Variants in IFT81 observed in about 807,000 individuals in gnomAD.
IFT81 encodes intraflagellar transport 81, also known as intraflagellar transport protein 81 homolog.
A neutral mutation model predicts 102.6 loss-of-function variants in IFT81; 72 were observed. The observed-to-expected ratio is 0.70, with a 90% CI of 0.58 to 0.85. IFT81 has a LOEUF of 0.85. Ranked by LOEUF, IFT81 falls within the 40% of genes least tolerant of loss-of-function variation. IFT81 has a pLI of 0.00. For missense variants in IFT81, 723 were observed against 787.3 expected, an observed-to-expected ratio of 0.92 and a Z score of 0.98; for synonymous variants, 237 against 242.7, an observed-to-expected ratio of 0.98 and a Z score of 0.22.
chr12:110,135,324 T>C lies in IFT81; in HGVS notation c.586-3T>C, dbSNP rs1243528284. On this transcript the variant is annotated splice_polypyrimidine_tract_variant and splice_region_variant and intron_variant, in intron 6 of 18. Coordinates refer to ENST00000242591, the MANE Select transcript of IFT81 (RefSeq NM_014055.4). The stretch of plus-strand genomic sequence containing the variant: ...ACATGTACTACTTATTCCCTTACTG[T>C]AGGTTGAGACAGCTCAGAATCATCA... 5 of 1,584,874 alleles carry C rather than the reference T, an allele frequency of 3.2e-6. No individual in the cohort carries two copies. In the Admixed American group the frequency reaches 5.4e-5, roughly 17 times the overall value.
chr12:110,214,076 C>A (rs1199258435), intron 18 of IFT81, among the ~76,000 whole-genome samples: 2 of 152,066 alleles, frequency 1.3e-5, no homozygotes, highest in Admixed American at 6.6e-5. Flanking sequence ...CTGATTCCTC[C>A]ATTTACTGGG....
At chr12:110,157,511 A>C (rs1593311836) in intron 10 of IFT81, among the ~76,000 whole-genome samples, 1 of 152,208 alleles carries the variant, frequency 6.6e-6, no homozygotes, top group East Asian at 1.9e-4. Flanking sequence ...TGTCTCTTTC[A>C]GTTCATCTTT....
intron 10 of IFT81, among the ~76,000 whole-genome samples, chr12:110,154,069 C>T (rs1026348007): frequency 3.4e-4 from 52 of 152,066 alleles, no homozygotes; most frequent in African/African-American, 1.2e-3. Context: ...CGGCAACCTC[C>T]GCCTCCTGGG....
chr12:110,129,969 C>T (rs1252782206), intron 4 of IFT81, among the ~76,000 whole-genome samples: 1 of 152,066 alleles, frequency 6.6e-6, no homozygotes, highest in Non-Finnish European at 1.5e-5. Flanking sequence ...TTCTGAGGCC[C>T]ATAGAGACAG....
At chr12:110,174,515 A>G (rs1159399024) in intron 11 of IFT81, among the ~76,000 whole-genome samples, 1 of 151,734 alleles carries the variant, frequency 6.6e-6, no homozygotes. Flanking sequence ...AGTGCTTATT[A>G]TATGATAGTC....
intron 11 of IFT81, among the ~76,000 whole-genome samples, chr12:110,169,675 G>C (rs953444839): frequency 6.6e-6 from 1 of 152,088 alleles, no homozygotes; most frequent in African/African-American, 2.4e-5. Context: ...CGATTCTCAT[G>C]CCTCAGCCTC....
intron 11 of IFT81, chr12:110,167,852 T>C: frequency 1.4e-5 from 4 of 293,798 alleles, no homozygotes; most frequent in South Asian, 2.9e-5. Flanking sequence ...GGTTTCTTTT[T>C]TTTTTTTTTT....
intron 9 of IFT81, among the ~76,000 whole-genome samples, chr12:110,144,595 C>T (rs1165415272): frequency 6.6e-6 from 1 of 151,918 alleles, no homozygotes; most frequent in Non-Finnish European, 1.5e-5. Flanking sequence ...CCTGCAACCT[C>T]TGCCTCCCGG....
chr12:110,160,599 A>G (rs901373135), intron 10 of IFT81, among the ~76,000 whole-genome samples: 1 of 152,202 alleles, frequency 6.6e-6, no homozygotes, highest in South Asian at 2.1e-4. Context: ...ACTAACTCAA[A>G]TGTCAGTCTC....
intron 11 of IFT81, among the ~76,000 whole-genome samples, chr12:110,169,498 C>CAATG (rs905479840): frequency 6.6e-6 from 1 of 152,030 alleles, no homozygotes; most frequent in African/African-American, 2.4e-5. Context: ...AAATTAGGAC[C>CAATG]AATGAATGGT....
chr12:110,209,277 C>A, intron 18 of IFT81, 61 bp downstream of exon 18: 1 of 774,358 alleles, frequency 1.3e-6, no homozygotes, highest in Non-Finnish European at 2.1e-6. Flanking sequence ...CAGTACTGTA[C>A]ATGGTTTATG....
chr12:110,158,682 C>T (rs1335100819), intron 10 of IFT81, among the ~76,000 whole-genome samples: 1 of 152,018 alleles, frequency 6.6e-6, no homozygotes, highest in Non-Finnish European at 1.5e-5. Flanking sequence ...CTCCCCCTCC[C>T]AGGTTCACGC....
intron 12 of IFT81, among the ~76,000 whole-genome samples, chr12:110,190,575 A>G (rs1196942595): frequency 2.6e-5 from 4 of 152,120 alleles, no homozygotes; most frequent in Non-Finnish European, 5.9e-5. Flanking sequence ...ATTTACATAT[A>G]TAATAAATAT....
At chr12:110,147,090 A>G (rs1346594550) in intron 10 of IFT81, 42 bp downstream of exon 10, 6 of 1,473,186 alleles carry the variant, frequency 4.1e-6, no homozygotes, top group Non-Finnish European at 4.6e-6. Flanking sequence ...ATCTGTAAGC[A>G]TATTCATGAA....
chr12:110,170,374 CTT>C (rs1304576490), intron 11 of IFT81, among the ~76,000 whole-genome samples: 1 of 152,198 alleles, frequency 6.6e-6, no homozygotes, highest in African/African-American at 2.4e-5. Context: ...TCAGCTACCT[CTT>C]TTGGCGTGAT....
At position 110,124,457 on chromosome 12, in the gene IFT81, C is replaced by G. The variant is rs1893701087; in HGVS notation, c.-426C>G. 2 of 152,246 alleles carry G rather than the reference C, an allele frequency of 1.3e-5. No homozygotes were observed. Among genetic ancestry groups the G allele is most frequent in the Admixed American group, 6.5e-5 (1 of 15,270 alleles). The allele number at this position is 152,246 out of a possible 1,614,324, so 9.4% of individuals were successfully genotyped here. A position where few individuals can be genotyped will look rare whatever the true frequency, so the allele number is the denominator to read the frequency against. On this transcript the variant is annotated 5_prime_UTR_variant, in exon 1 of 19. Transcript: ENST00000242591. ...GGAGAATTTGAGGTAACCTCGCCAA[C>G]TCGCGGTCGGAAGCTCCTCTGAACC...
intron 11 of IFT81, among the ~76,000 whole-genome samples, chr12:110,165,561 A>G (rs1896387754): frequency 6.6e-6 from 1 of 152,216 alleles, no homozygotes; most frequent in Non-Finnish European, 1.5e-5. Context: ...AAATGAGGAA[A>G]GGGGGACTCA....
chr12:110,144,227 T>G (rs1038670115), intron 9 of IFT81, among the ~76,000 whole-genome samples: 22 of 151,486 alleles, frequency 1.5e-4, no homozygotes, highest in Admixed American at 5.3e-4. Flanking sequence ...TGTTTTTTGT[T>G]TTTTTTTGAG....
At chr12:110,140,065 CAATA>C (rs1004075432) in intron 8 of IFT81, among the ~76,000 whole-genome samples, 48 of 151,498 alleles carry the variant, frequency 3.2e-4, no homozygotes, top group Non-Finnish European at 5.7e-4. Context: ...GACTTTGTCT[CAATA>C]AATAAATAAG....
Sources: allele counts gnomAD v4.1 joint callset (sites outside exome capture counted in the v4.1 genomes callset), GRCh38; gene constraint gnomAD v4.1.1; transcripts MANE v1.5; gene names NCBI Gene and HGNC (gene_info 2026-07-23, HGNC 2026-07-21).